The following SGCZ variants were observed in gnomAD, a reference collection of about 807,000 sequenced individuals.
SGCZ encodes sarcoglycan zeta, also known as zeta-sarcoglycan.
Under a neutral mutation model 41.3 loss-of-function variants are expected in SGCZ, and 40 were observed. That is an observed-to-expected ratio of 0.97 (90% CI 0.75 to 1.26). The LOEUF (loss-of-function observed/expected upper bound fraction) is 1.26. Ranked by LOEUF, SGCZ falls within the 50% of genes most tolerant of loss-of-function variation. The probability of loss-of-function intolerance (pLI) is 0.00; values close to 1 mark genes in which losing one functional copy is unlikely to be tolerated. For missense variants in SGCZ, 552 were observed against 369.8 expected (o/e 1.49, Z -4.04); for synonymous variants, 206 against 137.5 (o/e 1.50, Z -3.49).
At chr8:14,741,894 A>G (rs1284393960) in intron 1 of SGCZ, among the ~76,000 whole-genome samples, 1 of 128,998 alleles carries the variant, frequency 7.8e-6, no homozygotes, top group African/African-American at 3.6e-5. Context: ...TTAATCACAA[A>G]ACTTTTTCAG....
At chr8:14,962,522 A>G (rs1327964712) in intron 1 of SGCZ, among the ~76,000 whole-genome samples, 1 of 152,170 alleles carries the variant, frequency 6.6e-6, no homozygotes, top group East Asian at 1.9e-4. Flanking sequence ...AGAAATATAC[A>G]GCATTATTCA....
chr8:14,086,265 T>C lies in SGCZ; in HGVS notation c.*4178A>G, dbSNP rs896925183. On this transcript the variant is annotated 3_prime_UTR_variant, in exon 8 of 8. Coordinates refer to ENST00000382080, the MANE Select transcript of SGCZ (RefSeq NM_139167.4). ...GGCTATTAAATACTTTCAATGATTT[T>C]AATAATTTAACATTATTATGTTGAC... Among the ~76,000 whole-genome samples the C allele has an allele frequency of 2.0e-5, 3 of 151,748 alleles. No homozygotes were observed. Among genetic ancestry groups the C allele is most frequent in the Non-Finnish European group, 4.4e-5 (3 of 67,760 alleles).
intron 2 of SGCZ, among the ~76,000 whole-genome samples, chr8:14,488,591 C>T (rs1801749190): frequency 6.6e-6 from 1 of 152,032 alleles, no homozygotes; most frequent in Non-Finnish European, 1.5e-5. Flanking sequence ...GAAATGTAAT[C>T]ATCTAGAAAG....
chr8:14,126,961 C>A (rs1338886904), intron 5 of SGCZ, among the ~76,000 whole-genome samples: 3 of 151,880 alleles, frequency 2.0e-5, no homozygotes, highest in Non-Finnish European at 1.5e-5. Flanking sequence ...GGGGACAACA[C>A]ACACTGGGGC....
chr8:14,137,758 A>T (rs993024811), intron 5 of SGCZ, among the ~76,000 whole-genome samples: 1 of 152,220 alleles, frequency 6.6e-6, no homozygotes, highest in African/African-American at 2.4e-5. Context: ...AACACTCTTC[A>T]GGATATTATC....
At chr8:14,120,814 C>G (rs998538780) in intron 5 of SGCZ, among the ~76,000 whole-genome samples, 1 of 151,954 alleles carries the variant, frequency 6.6e-6, no homozygotes, top group Non-Finnish European at 1.5e-5. Flanking sequence ...TATAACATAA[C>G]CATATGTAAG....
intron 1 of SGCZ, among the ~76,000 whole-genome samples, chr8:15,119,553 C>A (rs1196045618): frequency 7.1e-6 from 1 of 140,648 alleles, no homozygotes; most frequent in African/African-American, 3.2e-5. Flanking sequence ...AAAAAAAAAA[C>A]CCTCCTAATT....
intron 2 of SGCZ, among the ~76,000 whole-genome samples, chr8:14,332,210 C>T (rs567035684): frequency 1.4e-4 from 22 of 152,038 alleles, no homozygotes; most frequent in African/African-American, 4.1e-4. Context: ...CCGAAGCGGG[C>T]GGATCACGAG....
intron 1 of SGCZ, among the ~76,000 whole-genome samples, chr8:15,098,834 G>A (rs1190857708): frequency 6.6e-6 from 1 of 152,298 alleles, no homozygotes; most frequent in South Asian, 2.1e-4. Context: ...CGATGAGGGC[G>A]GATCACCTGA....
At chr8:14,329,638 T>A (rs1418922524) in intron 2 of SGCZ, among the ~76,000 whole-genome samples, 2 of 152,132 alleles carry the variant, frequency 1.3e-5, no homozygotes, top group Admixed American at 1.3e-4. Flanking sequence ...TATAGATCTG[T>A]GTCCTCCATT....
chr8:14,705,962 A>G (rs1809320047), intron 1 of SGCZ, among the ~76,000 whole-genome samples: 1 of 152,066 alleles, frequency 6.6e-6, no homozygotes, highest in Admixed American at 6.6e-5. Flanking sequence ...TTATCCCATA[A>G]TTATTTGTTG....
chr8:14,130,781 G>T (rs575274430), intron 5 of SGCZ, among the ~76,000 whole-genome samples: 1 of 152,150 alleles, frequency 6.6e-6, no homozygotes, highest in Non-Finnish European at 1.5e-5. Flanking sequence ...AAAAGGGACC[G>T]TACCTGGAAG....
At chr8:15,087,278 C>T (rs1423950414) in intron 1 of SGCZ, among the ~76,000 whole-genome samples, 1 of 151,974 alleles carries the variant, frequency 6.6e-6, no homozygotes, top group Non-Finnish European at 1.5e-5. Context: ...CATTAAGAGG[C>T]TCAGGAACAT....
chr8:14,488,238 A>C (rs1279632079), intron 2 of SGCZ, among the ~76,000 whole-genome samples: 1 of 152,230 alleles, frequency 6.6e-6, no homozygotes, highest in Non-Finnish European at 1.5e-5. Flanking sequence ...ACAAAAACAC[A>C]TTTGTTGTCC....
intron 4 of SGCZ, among the ~76,000 whole-genome samples, chr8:14,190,605 C>A (rs1301586085): frequency 2.6e-5 from 4 of 151,446 alleles, no homozygotes; most frequent in South Asian, 4.2e-4. Flanking sequence ...CTCTTAATTT[C>A]TTTTTTTGTT....
chr8:14,592,586 T>C (rs1353402043), intron 1 of SGCZ, among the ~76,000 whole-genome samples: 1 of 137,710 alleles, frequency 7.3e-6, no homozygotes, highest in Non-Finnish European at 1.6e-5. Flanking sequence ...TTTATTACTT[T>C]CCTTATTCAA....
At chr8:14,708,122 T>A (rs1809389624) in intron 1 of SGCZ, among the ~76,000 whole-genome samples, 3 of 151,990 alleles carry the variant, frequency 2.0e-5, no homozygotes, top group African/African-American at 7.2e-5. Context: ...AAATTCAAAT[T>A]TAATTTAAAT....
At chr8:14,913,190 T>G (rs1020754706) in intron 1 of SGCZ, among the ~76,000 whole-genome samples, 28 of 152,220 alleles carry the variant, frequency 1.8e-4, no homozygotes, top group African/African-American at 6.3e-4. Context: ...CAGCATATCC[T>G]TAGAATTTTG....
At chr8:14,524,043 C>T (rs931438478) in intron 2 of SGCZ, among the ~76,000 whole-genome samples, 2 of 151,952 alleles carry the variant, frequency 1.3e-5, no homozygotes, top group African/African-American at 4.8e-5. Context: ...TCTTTTATTA[C>T]ATTTTTGTCA....
Sources: allele counts gnomAD v4.1 joint callset (sites outside exome capture counted in the v4.1 genomes callset), GRCh38; gene constraint gnomAD v4.1.1; transcripts MANE v1.5; gene names NCBI Gene and HGNC (gene_info 2026-07-23, HGNC 2026-07-21).